The following RPH3AL variants were observed in gnomAD, a reference collection of about 807,000 sequenced individuals.
The protein encoded by RPH3AL is rab effector Noc2.
RPH3AL carries 38 observed loss-of-function variants against 43.1 expected under a neutral mutation model. The observed-to-expected ratio is 0.88, with a 90% CI of 0.68 to 1.15. RPH3AL has a LOEUF of 1.15. Ranked by LOEUF, RPH3AL falls within the 50% of genes most tolerant of loss-of-function variation. The probability of loss-of-function intolerance (pLI) is 0.00; values close to 1 mark genes in which losing one functional copy is unlikely to be tolerated. For synonymous variants in RPH3AL, 189 were observed against 176.3 expected, an observed-to-expected ratio of 1.07 and a Z score of -0.57; for missense variants, 462 against 423.2, an observed-to-expected ratio of 1.09 and a Z score of -0.81.
intron 1 of RPH3AL, among the ~76,000 whole-genome samples, chr17:337,999 A>G (rs2045006957): frequency 6.6e-6 from 1 of 152,194 alleles, no homozygotes; most frequent in Non-Finnish European, 1.5e-5. Flanking sequence ...TGAGATGTGA[A>G]ATAACCTACT....
chr17:316,082 G>GC (rs2044147065), intron 5 of RPH3AL, among the ~76,000 whole-genome samples: 11 of 68,982 alleles, frequency 1.6e-4, no homozygotes, highest in African/African-American at 5.4e-4. Flanking sequence ...TAGTCCCTGT[G>GC]CTCCACCTCC....
At chr17:345,174 G>A (rs2045212660) in intron 1 of RPH3AL, among the ~76,000 whole-genome samples, 1 of 135,704 alleles carries the variant, frequency 7.4e-6, no homozygotes, top group South Asian at 2.4e-4. Context: ...AGCTACTTGG[G>A]AGGCTGAGGT....
At chr17:314,446 C>T (rs1034982908) in intron 5 of RPH3AL, among the ~76,000 whole-genome samples, 2 of 151,062 alleles carry the variant, frequency 1.3e-5, no homozygotes, top group African/African-American at 4.9e-5. Context: ...GCCCCCACCT[C>T]CATTGACCTG....
intron 5 of RPH3AL, among the ~76,000 whole-genome samples, chr17:296,129 G>A (rs112318000): frequency 7.2e-6 from 1 of 138,866 alleles, no homozygotes. Context: ...ATGGACAGAG[G>A]GAATGCACAT....
Position 236,267 on chromosome 17 carries a change from G to T in RPH3AL, c.613+10844C>A, listed in dbSNP as rs984917366. Among the ~76,000 whole-genome samples the T allele has an allele frequency of 2.0e-5, 3 of 152,178 alleles. No individual in the cohort carries two copies. The East Asian group carries it at 5.8e-4, about 29-fold the overall frequency. On this transcript the variant is annotated intron_variant, in intron 7 of 9. Transcript: ENST00000331302. ...CCATTGACAGGGAGCTCACTCCTCC[G>T]TCAGATGCAAAACACTCAGTTCTGT...
intron 7 of RPH3AL, among the ~76,000 whole-genome samples, chr17:229,088 C>T (rs928631525): frequency 6.6e-6 from 1 of 152,132 alleles, no homozygotes; most frequent in Non-Finnish European, 1.5e-5. Flanking sequence ...TCTAATCCAC[C>T]CCCTCCAGGA....
chr17:262,383 T>G (rs1316439999), intron 6 of RPH3AL, among the ~76,000 whole-genome samples: 20 of 152,048 alleles, frequency 1.3e-4, no homozygotes, highest in Admixed American at 1.2e-3. Context: ...GCCCGGCTAA[T>G]TTTTGTATTT....
At chr17:233,278 C>G (rs898282053) in intron 7 of RPH3AL, among the ~76,000 whole-genome samples, 5 of 152,136 alleles carry the variant, frequency 3.3e-5, no homozygotes, top group African/African-American at 1.2e-4. Context: ...GTTTCATTCC[C>G]TTGGATTTAG....
intron 1 of RPH3AL, chr17:335,628 C>T (rs191349186): frequency 6.6e-6 from 1 of 152,232 alleles, no homozygotes; most frequent in African/African-American, 2.4e-5. Context: ...GATAAAATCC[C>T]AACCCTGACC....
intron 5 of RPH3AL, among the ~76,000 whole-genome samples, chr17:292,063 G>C (rs1261379778): frequency 6.6e-6 from 1 of 152,190 alleles, no homozygotes; most frequent in Non-Finnish European, 1.5e-5. Flanking sequence ...GGTCAGGATG[G>C]ATTAAAGCAG....
intron 5 of RPH3AL, among the ~76,000 whole-genome samples, chr17:308,597 A>G (rs1282931364): frequency 6.6e-6 from 1 of 152,258 alleles, no homozygotes; most frequent in African/African-American, 2.4e-5. Flanking sequence ...ATGCACATAC[A>G]GTGAAATTTT....
chr17:315,297 C>T (rs1555519748), intron 5 of RPH3AL, among the ~76,000 whole-genome samples: 17 of 151,928 alleles, frequency 1.1e-4, no homozygotes, highest in African/African-American at 4.1e-4. Flanking sequence ...CCCCCACCTC[C>T]AGTGACCTGT....
intron 6 of RPH3AL, among the ~76,000 whole-genome samples, chr17:252,123 C>T (rs192653098): frequency 2.0e-5 from 3 of 151,924 alleles, no homozygotes; most frequent in East Asian, 1.9e-4. Context: ...AGGTGGTGTG[C>T]GCCAATACAC....
chr17:316,223 T>C (rs372525894), intron 5 of RPH3AL, among the ~76,000 whole-genome samples: 4 of 94,570 alleles, frequency 4.2e-5, no homozygotes, highest in East Asian at 5.1e-4. Context: ...CATTGACCTG[T>C]AGTCCCTGTG....
intron 6 of RPH3AL, among the ~76,000 whole-genome samples, chr17:249,732 C>T (rs974698744): frequency 1.3e-5 from 2 of 151,386 alleles, no homozygotes; most frequent in African/African-American, 4.9e-5. Flanking sequence ...CTAGGTTAAA[C>T]CAAGCTCCAT....
chr17:318,968 G>T (rs2044381777), intron 5 of RPH3AL, among the ~76,000 whole-genome samples: 1 of 152,244 alleles, frequency 6.6e-6, no homozygotes, highest in Non-Finnish European at 1.5e-5. Flanking sequence ...TTCTGGAGAT[G>T]ATAACATTTA....
chr17:286,474 G>A (rs542823861), intron 5 of RPH3AL, among the ~76,000 whole-genome samples: 2 of 152,282 alleles, frequency 1.3e-5, no homozygotes, highest in South Asian at 4.1e-4. Flanking sequence ...CGAGGGCTAC[G>A]GAAAGACGAC....
chr17:219,776 AG>A (rs1460160356), intron 7 of RPH3AL, 40 bp from the exon 8 acceptor site: 1 of 1,472,996 alleles, frequency 6.8e-7, no homozygotes, highest in Non-Finnish European at 9.5e-7. Context: ...TCACCCGACC[AG>A]CCCCTACCTG....
In RPH3AL at chr17:327,513, C is replaced by T. The variant is rs993022792; in HGVS notation, c.31G>A (p.Asp11Asn). The change falls in exon 3 of 10, where the codon GAT becomes AAT. Residue 11 changes from aspartate to asparagine, a missense_variant. Physicochemically the swap from Asp to Asn is conservative, Grantham distance 23. Coordinates refer to ENST00000331302, the MANE Select transcript of RPH3AL (RefSeq NM_006987.4). Reference sequence around the variant, plus strand: ...CGGTCATTGGGGCAAACCCACTGATCATTCCCGCTGCCGAAGATGGTGTCG... The same window carrying T: ...CGGTCATTGGGGCAAACCCACTGATTATTCCCGCTGCCGAAGATGGTGTCG... MADTIFGSGN[D>N]QWVCPNDRQL... 1.1e-5 allele frequency: 18 copies of T among 1,613,886 alleles called. No individual in the cohort carries two copies. Among genetic ancestry groups the T allele is most frequent in the Non-Finnish European group, 1.4e-5 (17 of 1,180,004 alleles).
Sources: allele counts gnomAD v4.1 joint callset (sites outside exome capture counted in the v4.1 genomes callset), GRCh38; gene constraint gnomAD v4.1.1; transcripts MANE v1.5; gene names NCBI Gene and HGNC (gene_info 2026-07-23, HGNC 2026-07-21).